The following ADRA2B variants were observed in gnomAD, a reference collection of about 807,000 sequenced individuals.
ADRA2B encodes the protein alpha-2B adrenergic receptor.
ADRA2B carries 14 observed loss-of-function variants against 14.4 expected under a neutral mutation model. The ratio of observed to expected loss-of-function variants is 0.97; its 90% CI spans 0.64 to 1.52. The LOEUF is 1.52. ADRA2B is among the 40% of genes most tolerant of loss of function. ADRA2B has a pLI of 0.00. For missense variants in ADRA2B, 606 were observed against 603.2 expected (o/e 1.00, Z -0.05); for synonymous variants, 250 against 263.7 (o/e 0.95, Z 0.50).
rs1218837831 is a variant in ADRA2B, at chr2:96,115,836, G to A, written c.314C>T (p.Ala105Val). The A allele has an allele frequency of 1.2e-6, 2 of 1,613,460 alleles. No individual in the cohort carries two copies. The highest frequency in any genetic ancestry group is 1.7e-6 in the Non-Finnish European group (2 of 1,179,754). Residue 105 changes from alanine (A) to valine (V), a missense_variant, in exon 1 of 1, where the codon GCC (alanine) becomes GTC (valine). By Grantham distance (64) the Ala-to-Val change is moderately conservative. Transcript: ENST00000620793. ...GGCCCAGTAGCGGTCCAGGCTGATG[G>A]CGCACAGGTGCACGATGGACGAGGT... ...FCTSSIVHLCAISLDRYWAVS... is the reference protein window; with the variant it reads ...FCTSSIVHLCVISLDRYWAVS...
chr2:96,114,679 C>T lies in ADRA2B; in HGVS notation c.*118G>A. The T allele has an allele frequency of 6.9e-7, 1 of 1,447,308 alleles. No individual in the cohort carries two copies. Among genetic ancestry groups the T allele is most frequent in the Non-Finnish European group, 9.1e-7 (1 of 1,104,936 alleles). The allele number at this position is 1,447,308 out of a possible 1,614,324, so 89.7% of individuals were successfully genotyped here. ...CTCCCAAGGGGTTCCTAAGATGAGG[C>T]CTACAGGATCTGGGCAGGGAGCAGA... On this transcript the variant is annotated 3_prime_UTR_variant, in exon 1 of 1. Transcript: ENST00000620793.
In ADRA2B at chr2:96,114,418, T is replaced by C. The variant is rs1298069664; in HGVS notation, c.*379A>G. 1.9e-5 allele frequency: 19 copies of C among 1,021,660 alleles called. No individual in the cohort carries two copies. Among genetic ancestry groups the C allele is most frequent in the Non-Finnish European group, 2.1e-5 (18 of 852,018 alleles). The allele number at this position is 1,021,660 out of a possible 1,614,324, so 63.3% of individuals were successfully genotyped here. On this transcript the variant is annotated 3_prime_UTR_variant, in exon 1 of 1. Coordinates refer to ENST00000620793, the MANE Select transcript of ADRA2B (RefSeq NM_000682.7). ...AAGAAACGAAAACACCACAAGCAAGTGACCTGCCAGGAACACAAGGTCCTC... is the reference window on the plus strand; with the variant it reads ...AAGAAACGAAAACACCACAAGCAAGCGACCTGCCAGGAACACAAGGTCCTC...
In ADRA2B at chr2:96,114,501, T is replaced by C; in HGVS notation, c.*296A>G. 8.2e-7 allele frequency: 1 copy of C among 1,219,016 alleles called. No individual in the cohort carries two copies. The highest frequency in any genetic ancestry group is 1.0e-6 in the Non-Finnish European group (1 of 973,556). The allele number at this position is 1,219,016 out of a possible 1,614,324, so 75.5% of individuals were successfully genotyped here. A position where few individuals can be genotyped will look rare whatever the true frequency, so the allele number is the denominator to read the frequency against. On this transcript the variant is annotated 3_prime_UTR_variant, in exon 1 of 1. Coordinates refer to ENST00000620793, the MANE Select transcript of ADRA2B (RefSeq NM_000682.7). Reference sequence around the variant, plus strand: ...GCATGGGGCTCTGGGAAGAAAGTGCTCTCTCTTCTCCTGGTCTTGGCTATG... The same window carrying C: ...GCATGGGGCTCTGGGAAGAAAGTGCCCTCTCTTCTCCTGGTCTTGGCTATG...
chr2:96,114,993 G>A lies in ADRA2B; in HGVS notation c.1157C>T (p.Pro386Leu), dbSNP rs373059413. The A allele has an allele frequency of 4.2e-5, 68 of 1,613,588 alleles. No homozygotes were observed. The highest frequency in any genetic ancestry group is 5.8e-5 in the Non-Finnish European group (68 of 1,179,696). Residue 386 changes from proline (P) to leucine (L), a missense_variant, in exon 1 of 1, where the codon CCC becomes CTC. Transcript: ENST00000620793. Reference protein sequence around the residue: ...VIGVFVLCWFPFFFSYSLGAI... With the variant: ...VIGVFVLCWFLFFFSYSLGAI... ...TCCCAGGCTGTAGCTGAAGAAGAAG[G>A]GGAACCAGCAGAGCACAAAAACGCC...
chr2:96,115,443 G>T lies in ADRA2B; in HGVS notation c.707C>A (p.Ala236Asp), dbSNP rs556445952. ...TCTGGCAGAAGCCACAGAGGCCAGGGCTGGCAGTTTGGCTGAGGCCAAAGC... is the reference window on the plus strand; with the variant it reads ...TCTGGCAGAAGCCACAGAGGCCAGGTCTGGCAGTTTGGCTGAGGCCAAAGC... Reference protein sequence around the residue: ...GGALASAKLPALASVASAREV... With the variant: ...GGALASAKLPDLASVASAREV... The change falls in exon 1 of 1, where the codon GCC (alanine) becomes GAC (aspartate). Residue 236 changes from alanine (A) to aspartate (D), a missense_variant. Transcript: ENST00000620793. 10 of 1,612,898 alleles carry T rather than the reference G, an allele frequency of 6.2e-6. No homozygotes were observed. The African/African-American group carries it at 1.2e-4, about 19-fold the overall frequency.
chr2:96,114,758 C>T lies in ADRA2B; in HGVS notation c.*39G>A, dbSNP rs368428483. 88 of 1,573,150 alleles carry T rather than the reference C, an allele frequency of 5.6e-5. No homozygotes were observed. In the African/African-American group the frequency reaches 9.3e-4, roughly 17 times the overall value. ...AGGGCAAGAAGCAGGGTGACCCCGG[C>T]GCCACCGCACCAACCCCACAGGGGC... is the stretch of plus-strand genomic sequence containing the variant. On this transcript the variant is annotated 3_prime_UTR_variant, in exon 1 of 1. Coordinates refer to ENST00000620793, the MANE Select transcript of ADRA2B (RefSeq NM_000682.7).
rs959938122 is a variant in ADRA2B, at chr2:96,115,295, C to T, written c.855G>A (p.Lys285=). 2 of 1,584,322 alleles carry T rather than the reference C, an allele frequency of 1.3e-6. No individual in the cohort carries two copies. The highest frequency in any genetic ancestry group is 1.7e-6 in the Non-Finnish European group (2 of 1,164,594). ...AALPNSGQGQ[K]EGVCGASPED... is the part of the protein sequence containing the mutation. ...CTGGAGATGCCCCACAAACACCCTC[C>T]TTCTGGCCCTGGCCTGAGTTGGGAA... The change falls in exon 1 of 1, where the codon AAG becomes AAA. Residue 285 remains lysine (K), a synonymous_variant. Transcript: ENST00000620793.
chr2:96,115,870 G>A lies in ADRA2B; in HGVS notation c.280C>T (p.Leu94Phe). The change falls in exon 1 of 1, where the codon CTC becomes TTC. Residue 94 changes from leucine (L) to phenylalanine (F), a missense_variant. Coordinates refer to ENST00000620793, the MANE Select transcript of ADRA2B (RefSeq NM_000682.7). ...WCEVYLALDV[L>F]FCTSSIVHLC... ...TGCACGATGGACGAGGTGCAGAAGA[G>A]CACGTCGAGCGCCAGGTACACCTCG... 1 of 1,613,382 alleles carries A rather than the reference G, an allele frequency of 6.2e-7. No individual in the cohort carries two copies. The highest frequency in any genetic ancestry group is 2.2e-5 in the East Asian group (1 of 44,852).
chr2:96,115,930 G>T lies in ADRA2B; in HGVS notation c.220C>A (p.Leu74Met). 1 of 1,613,796 alleles carries T rather than the reference G, an allele frequency of 6.2e-7. No homozygotes were observed. The highest frequency in any genetic ancestry group is 8.5e-7 in the Non-Finnish European group (1 of 1,179,890). Residue 74 changes from leucine to methionine, a missense_variant, in exon 1 of 1, where the codon CTG becomes ATG. Coordinates refer to ENST00000620793, the MANE Select transcript of ADRA2B (RefSeq NM_000682.7). Reference sequence around the variant, plus strand: ...CGCCGGAAGTACCAGTAGCCCAGCAGCTCGTTGGCCAGCGAGAAAGGGATG... The same window carrying T: ...CGCCGGAAGTACCAGTAGCCCAGCATCTCGTTGGCCAGCGAGAAAGGGATG... ...LIIPFSLANE[L>M]LGYWYFRRTW... is the part of the protein sequence containing the mutation.
rs758792775 is a variant in ADRA2B, at chr2:96,115,614, C to G, written c.536G>C (p.Gly179Ala). ...GATGAGGCAAGGAGCAAAGAAAGATCCGATGCTGGAGGCCAGGATGTACCA... is the reference window on the plus strand; with the variant it reads ...GATGAGGCAAGGAGCAAAGAAAGATGCGATGCTGGAGGCCAGGATGTACCA... ...EAWYILASSI[G>A]SFFAPCLIMI... Residue 179 changes from glycine (G) to alanine (A), a missense_variant, in exon 1 of 1, where the codon GGA becomes GCA. By Grantham distance (60) the Gly-to-Ala change is moderately conservative. Coordinates refer to ENST00000620793, the MANE Select transcript of ADRA2B (RefSeq NM_000682.7). The G allele has an allele frequency of 6.2e-7, 1 of 1,613,780 alleles. No homozygotes were observed. The highest frequency in any genetic ancestry group is 1.3e-5 in the African/African-American group (1 of 74,942).
In ADRA2B at chr2:96,115,044, A is replaced by C. The variant is rs761205226; in HGVS notation, c.1106T>G (p.Phe369Cys). 1.9e-6 allele frequency: 3 copies of C among 1,613,790 alleles called. No homozygotes were observed. In the South Asian group the frequency reaches 3.3e-5, roughly 18 times the overall value. ...AATGACCACAGCCAGCACGAAGGTG[A>C]AGCGCTTCTCCCGGGTCAGCTGCGC... ...RRAQLTREKR[F>C]TFVLAVVIGV... The change falls in exon 1 of 1, where the codon TTC (phenylalanine) becomes TGC (cysteine). Residue 369 changes from phenylalanine (F) to cysteine (C), a missense_variant. Coordinates refer to ENST00000620793, the MANE Select transcript of ADRA2B (RefSeq NM_000682.7).
In ADRA2B at chr2:96,114,372, G is replaced by T; in HGVS notation, c.*425C>A. On this transcript the variant is annotated 3_prime_UTR_variant, in exon 1 of 1. Coordinates refer to ENST00000620793, the MANE Select transcript of ADRA2B (RefSeq NM_000682.7). ...GTGGAAGGCTGGCTCCGTGCTCTTT[G>T]TGGGTGGGGGGGAGATGAAAAAGAA... 1 of 1,000,712 alleles carries T rather than the reference G, an allele frequency of 1.0e-6. No homozygotes were observed. The highest frequency in any genetic ancestry group is 1.2e-6 in the Non-Finnish European group (1 of 838,600). 62.0% of individuals were successfully genotyped at this position (1,000,712 alleles called of 1,614,324 possible).
Position 96,114,860 on chromosome 2 carries a change from G to A in ADRA2B, c.1290C>T (p.Asn430=), listed in dbSNP as rs1250017472. Residue 430 remains asparagine, a synonymous_variant, in exon 1 of 1, where the codon AAC becomes AAT. Transcript: ENST00000620793. Reference sequence around the variant, plus strand: ...TCCGGAAGGCACGGCGGAAGTCCTGGTTGAAGATGGTGTAGATAACAGGGT... The same window carrying A: ...TCCGGAAGGCACGGCGGAAGTCCTGATTGAAGATGGTGTAGATAACAGGGT... ...SLNPVIYTIF[N]QDFRRAFRRI... 1.2e-6 allele frequency: 2 copies of A among 1,613,982 alleles called. No homozygotes were observed.
rs922658651 is a variant in ADRA2B at position 96,115,047 on chromosome 2, C to A, written c.1103G>T (p.Arg368Leu). 3.1e-6 allele frequency: 5 copies of A among 1,613,682 alleles called. No individual in the cohort carries two copies. Among genetic ancestry groups the A allele is most frequent in the Non-Finnish European group, 4.2e-6 (5 of 1,179,764 alleles). The change falls in exon 1 of 1, where the codon CGC becomes CTC. Residue 368 changes from arginine (R) to leucine (L), a missense_variant. By Grantham distance (102) the Arg-to-Leu change is moderately radical. Transcript: ENST00000620793. ...GACCACAGCCAGCACGAAGGTGAAGCGCTTCTCCCGGGTCAGCTGCGCCCG... is the reference window on the plus strand; with the variant it reads ...GACCACAGCCAGCACGAAGGTGAAGAGCTTCTCCCGGGTCAGCTGCGCCCG... ...RRRAQLTREK[R>L]FTFVLAVVIG... is the part of the protein sequence containing the mutation.
At position 96,113,372 on chromosome 2, in the gene ADRA2B, AGC is replaced by A; in HGVS notation, c.*1423_*1424del. The A allele has an allele frequency of 2.6e-6, 1 of 384,232 alleles. No homozygotes were observed. The highest frequency in any genetic ancestry group is 3.7e-5 in the East Asian group (1 of 27,130). The allele number at this position is 384,232 out of a possible 1,614,324, so 23.8% of individuals were successfully genotyped here. ...CAGGAAGCAGGGGTCCTCAATGCAC[AGC>A]CCCATCAGCATTGCGGGGAGCAGCG... On this transcript the variant is annotated 3_prime_UTR_variant, in exon 1 of 1. Transcript: ENST00000620793.
chr2:96,116,480 G>A lies in ADRA2B; in HGVS notation c.-331C>T, dbSNP rs528686831. Among the ~76,000 whole-genome samples the A allele has an allele frequency of 9.3e-4, 142 of 152,354 alleles. 2 individuals carry two copies. The highest frequency in any genetic ancestry group is 3.2e-3 in the African/African-American group (132 of 41,596). ...GGATGCCGTACGCTCTGGGGGCGCG[G>A]GCCGGGCTGGGCCGGTTCTTAAAGG... On this transcript the variant is annotated 5_prime_UTR_variant, in exon 1 of 1. Transcript: ENST00000620793.
chr2:96,114,610 G>A lies in ADRA2B; in HGVS notation c.*187C>T, dbSNP rs1385233244. The A allele has an allele frequency of 2.7e-5, 38 of 1,423,766 alleles. No homozygotes were observed. The highest frequency in any genetic ancestry group is 2.0e-4 in the East Asian group (8 of 39,542). 88.2% of individuals were successfully genotyped at this position (1,423,766 alleles called of 1,614,324 possible). On this transcript the variant is annotated 3_prime_UTR_variant, in exon 1 of 1. Transcript: ENST00000620793. ...GTCCCCCACAGCTAAGCCGGCAAGG[G>A]GAAGCTTCACTGGGACCCTTGCTAG...
rs1337289144 is a variant in ADRA2B, at chr2:96,116,120, C to G, written c.30G>C (p.Gln10His). The G allele has an allele frequency of 6.2e-7, 1 of 1,611,698 alleles. No individual in the cohort carries two copies. The highest frequency in any genetic ancestry group is 8.5e-7 in the Non-Finnish European group (1 of 1,179,302). The part of the protein sequence containing the change: MDHQDPYSV[Q>H]ATAAIAAAIT... ...TGGCCGCCGCTATGGCCGCTGTGGC[C>G]TGCACGGAGTAGGGGTCCTGGTGGT... The change falls in exon 1 of 1, where the codon CAG becomes CAC. Residue 10 changes from glutamine to histidine, a missense_variant. Coordinates refer to ENST00000620793, the MANE Select transcript of ADRA2B (RefSeq NM_000682.7).
At position 96,115,655 on chromosome 2, in the gene ADRA2B, C is replaced by G; in HGVS notation, c.495G>C (p.Lys165Asn). ...GPQPRGRPQC[K>N]LNQEAWYILA... Reference sequence around the variant, plus strand: ...GGATGTACCAGGCCTCCTGGTTGAGCTTGCACTGGGGGCGCCCGCGCGGCT... The same window carrying G: ...GGATGTACCAGGCCTCCTGGTTGAGGTTGCACTGGGGGCGCCCGCGCGGCT... The change falls in exon 1 of 1, where the codon AAG becomes AAC. Residue 165 changes from lysine (K) to asparagine (N), a missense_variant. Coordinates refer to ENST00000620793, the MANE Select transcript of ADRA2B (RefSeq NM_000682.7). 6.2e-7 allele frequency: 1 copy of G among 1,613,804 alleles called. No individual in the cohort carries two copies. Among genetic ancestry groups the G allele is most frequent in the Non-Finnish European group, 8.5e-7 (1 of 1,179,874 alleles).
Sources: gnomAD v4.1 joint callset for allele counts (sites outside exome capture counted in the v4.1 genomes callset) on GRCh38, gnomAD v4.1.1 for gene constraint, MANE v1.5 for transcripts, NCBI Gene and HGNC (gene_info 2026-07-23, HGNC 2026-07-21) for gene names.